Variants in MYO5A observed in about 807,000 individuals in gnomAD.
MYO5A encodes the protein unconventional myosin-Va.
A neutral mutation model predicts 249.7 loss-of-function variants in MYO5A; 98 were observed. The observed-to-expected ratio is 0.39, with a 90% CI of 0.33 to 0.46. The LOEUF is 0.46. Among genes scored for constraint, MYO5A ranks in the 20% least tolerant of loss-of-function variants. The pLI is 0.98. For synonymous variants in MYO5A, 778 were observed against 810.6 expected (o/e 0.96, Z 0.68); for missense variants, 1,696 against 2,308.8 (o/e 0.73, Z 5.44).
At chr15:52,486,137 C>A (rs562654727) in intron 1 of MYO5A, among the ~76,000 whole-genome samples, 1 of 152,054 alleles carries the variant, frequency 6.6e-6, no homozygotes, top group African/African-American at 2.4e-5. Flanking sequence ...CTCTTACAAG[C>A]GAGGTTCTGC....
chr15:52,375,584 T>C, intron 19 of MYO5A, 124 bp from the exon 20 acceptor site: 2 of 989,510 alleles, frequency 2.0e-6, no homozygotes, highest in Admixed American at 2.0e-5. Flanking sequence ...ATTATTCTAA[T>C]AATGTGCATG....
chr15:52,502,982 C>A (rs2077188733), intron 1 of MYO5A, among the ~76,000 whole-genome samples: 1 of 152,068 alleles, frequency 6.6e-6, no homozygotes, highest in African/African-American at 2.4e-5. Flanking sequence ...AAGTAGGTCT[C>A]ATGAAGACAA....
intron 12 of MYO5A, among the ~76,000 whole-genome samples, chr15:52,390,706 C>T (rs2042192953): frequency 6.6e-6 from 1 of 151,974 alleles, no homozygotes; most frequent in East Asian, 1.9e-4. Context: ...ACTACAGGTG[C>T]ACACCACCAT....
At chr15:52,379,995 T>C (rs2041647797) in intron 16 of MYO5A, 87 bp from the exon 17 acceptor site, 4 of 1,307,480 alleles carry the variant, frequency 3.1e-6, no homozygotes, top group African/African-American at 1.5e-5. Context: ...GTAAATTCTT[T>C]CGTAAGAGCA....
At chr15:52,399,556 C>T (rs1008435712) in intron 9 of MYO5A, among the ~76,000 whole-genome samples, 1 of 152,156 alleles carries the variant, frequency 6.6e-6, no homozygotes, top group Non-Finnish European at 1.5e-5. Flanking sequence ...CAGTTTTGTC[C>T]TAGCTAGCAT....
chr15:52,469,643 G>C (rs995773700), intron 1 of MYO5A, among the ~76,000 whole-genome samples: 1 of 152,152 alleles, frequency 6.6e-6, no homozygotes, highest in South Asian at 2.1e-4. Flanking sequence ...CATTCTCTAA[G>C]AATGTTTCTA....
chr15:52,397,495 T>C (rs758667932), intron 9 of MYO5A, 29 bp from the exon 10 acceptor site: 4 of 1,610,396 alleles, frequency 2.5e-6, no homozygotes, highest in African/African-American at 2.7e-5. Flanking sequence ...TTATTTCCTA[T>C]GACCAGATAA....
chr15:52,318,952 A>G (rs2038166787), intron 39 of MYO5A, 108 bp downstream of exon 39: 7 of 1,394,768 alleles, frequency 5.0e-6, no homozygotes, highest in Non-Finnish European at 6.9e-6. Flanking sequence ...GCCACATGGC[A>G]CCAGACATGA....
At chr15:52,439,808 G>T (rs60512163) in intron 1 of MYO5A, among the ~76,000 whole-genome samples, 22,861 of 151,786 alleles carry the variant, frequency 0.15, 1,827 homozygotes, top group Middle Eastern at 0.22. Flanking sequence ...TGAGGTATTG[G>T]GATTAAAGAA....
At chr15:52,319,428 A>G in intron 38 of MYO5A, 86 bp from the exon 39 acceptor site, 1 of 1,454,348 alleles carries the variant, frequency 6.9e-7, no homozygotes, top group South Asian at 1.1e-5. Context: ...ACACATGCAC[A>G]TTCAACTTAG....
intron 1 of MYO5A, among the ~76,000 whole-genome samples, chr15:52,458,563 T>G (rs1456043480): frequency 6.6e-6 from 1 of 151,838 alleles, no homozygotes; most frequent in East Asian, 1.9e-4. Flanking sequence ...AAGGCTGCAG[T>G]GAGCCATGTT....
At chr15:52,404,999 TTA>T (rs1407700894) in intron 9 of MYO5A, among the ~76,000 whole-genome samples, 1 of 151,646 alleles carries the variant, frequency 6.6e-6, no homozygotes, top group African/African-American at 2.4e-5. Context: ...CACATCTGCG[TTA>T]TAGTCACTAA....
At chr15:52,506,085 C>A (rs1370581405) in intron 1 of MYO5A, among the ~76,000 whole-genome samples, 3 of 152,126 alleles carry the variant, frequency 2.0e-5, no homozygotes, top group Non-Finnish European at 4.4e-5. Flanking sequence ...GGCGCTGTGG[C>A]TCATGCCTGT....
intron 18 of MYO5A, among the ~76,000 whole-genome samples, chr15:52,378,536 G>A (rs1303085246): frequency 3.8e-5 from 1 of 25,988 alleles, no homozygotes; most frequent in African/African-American, 6.8e-5. Context: ...AAAAAAGAAG[G>A]GAATTGGGGC....
intron 1 of MYO5A, among the ~76,000 whole-genome samples, chr15:52,445,637 G>T (rs2075873234): frequency 6.6e-6 from 1 of 152,202 alleles, no homozygotes; most frequent in East Asian, 1.9e-4. Context: ...CTGGTTAAAT[G>T]GTTGTGACCA....
At position 52,309,449 on chromosome 15, in the gene MYO5A, A is replaced by G. The variant is rs927924364; in HGVS notation, c.*4247T>C. ...ACCCCTTGCTGGCCAGGGGCATTCC[A>G]CACGTACCAGGAGGGGCAGCACGTG... On this transcript the variant is annotated 3_prime_UTR_variant, in exon 42 of 42. Coordinates refer to ENST00000399233, the MANE Select transcript of MYO5A (RefSeq NM_001382347.1). 2.0e-5 allele frequency: 3 copies of G among 152,186 alleles called. No individual in the cohort carries two copies. The South Asian group carries it at 6.2e-4, about 31-fold the overall frequency. The allele number at this position is 152,186 out of a possible 1,614,324, so 9.4% of individuals were successfully genotyped here.
intron 5 of MYO5A, among the ~76,000 whole-genome samples, chr15:52,413,805 T>G (rs965634004): frequency 5.9e-5 from 9 of 152,326 alleles, no homozygotes; most frequent in Non-Finnish European, 1.0e-4. Flanking sequence ...TTCTTATAGA[T>G]GAACAATTTC....
chr15:52,503,027 G>A (rs1429211248), intron 1 of MYO5A, among the ~76,000 whole-genome samples: 2 of 152,158 alleles, frequency 1.3e-5, no homozygotes, highest in African/African-American at 4.8e-5. Context: ...GGCCAGGCAA[G>A]GTAGCAGGGA....
intron 18 of MYO5A, among the ~76,000 whole-genome samples, chr15:52,377,146 G>A (rs551120584): frequency 1.7e-4 from 26 of 152,168 alleles, no homozygotes; most frequent in Middle Eastern, 6.8e-3. Flanking sequence ...CAAATTGGCC[G>A]GGTGTAGTGG....
Sources: gnomAD v4.1 joint callset for allele counts (sites outside exome capture counted in the v4.1 genomes callset) on GRCh38, gnomAD v4.1.1 for gene constraint, MANE v1.5 for transcripts, NCBI Gene and HGNC (gene_info 2026-07-23, HGNC 2026-07-21) for gene names.